Variants in XPOT observed in about 807,000 individuals in gnomAD.
XPOT encodes exportin-T.
In XPOT, 34 loss-of-function variants were observed where a neutral mutation model predicts 128.2. That is an observed-to-expected ratio of 0.27 (90% confidence interval 0.20 to 0.35). The LOEUF (loss-of-function observed/expected upper bound fraction) is 0.35, where lower values mean the gene tolerates loss of function less well. Among genes scored for constraint, XPOT ranks in the 10% least tolerant of loss-of-function variants. XPOT has a pLI of 1.00. For synonymous variants in XPOT, 348 were observed against 394.3 expected (o/e 0.88, Z 1.39); for missense variants, 838 against 1,125.3 (o/e 0.74, Z 3.65).
chr12:64,421,127 T>G (rs1039434830), intron 8 of XPOT, 108 bp from the exon 9 acceptor site: 3 of 861,612 alleles, frequency 3.5e-6, no homozygotes, highest in East Asian at 4.8e-5. Flanking sequence ...TATGACGTCA[T>G]TTTAAAATTG....
chr12:64,443,650 C>T (rs1357823659), intron 23 of XPOT, among the ~76,000 whole-genome samples: 1 of 151,826 alleles, frequency 6.6e-6, no homozygotes, highest in Non-Finnish European at 1.5e-5. Flanking sequence ...AGATGGGGTT[C>T]CACCATGTTG....
Position 64,425,020 on chromosome 12 carries a change from CATATT to C in XPOT, c.1308-14_1308-10del, listed in dbSNP as rs766537374. On this transcript the variant is annotated splice_polypyrimidine_tract_variant and intron_variant, in intron 12 of 24. Transcript: ENST00000332707. Reference sequence around the variant, plus strand: ...AAAATTTATCTTTAAATCTCACTGACATATTATACCTTGGTAGGAATTGGCAGACT... The same window carrying C: ...AAAATTTATCTTTAAATCTCACTGACATACCTTGGTAGGAATTGGCAGACT... 3 of 1,611,702 alleles carry C rather than the reference CATATT, an allele frequency of 1.9e-6. No homozygotes were observed. Among genetic ancestry groups the C allele is most frequent in the African/African-American group, 1.3e-5 (1 of 74,850 alleles).
intron 18 of XPOT, 133 bp from the exon 19 acceptor site, chr12:64,433,281 A>G (rs1478204169): frequency 1.2e-6 from 1 of 851,770 alleles, no homozygotes; most frequent in Non-Finnish European, 1.7e-6. Context: ...TTATCTTAAA[A>G]TTGATATTTG....
chr12:64,419,231 G>A, intron 6 of XPOT, 137 bp downstream of exon 6: 1 of 641,724 alleles, frequency 1.6e-6, no homozygotes, highest in South Asian at 3.1e-5. Context: ...TTTACCTGAT[G>A]TTTTGGATTT....
At chr12:64,425,702 C>T in intron 14 of XPOT, 113 bp from the exon 15 acceptor site, 1 of 1,105,590 alleles carries the variant, frequency 9.0e-7, no homozygotes, top group South Asian at 1.3e-5. Flanking sequence ...ATTCCTAGTC[C>T]CTGCCTTTTA....
intron 3 of XPOT, among the ~76,000 whole-genome samples, chr12:64,415,819 C>T (rs1203548656): frequency 3.3e-5 from 5 of 152,148 alleles, no homozygotes; most frequent in Non-Finnish European, 7.3e-5. Flanking sequence ...AACCCATCCT[C>T]TACAATTTCT....
intron 24 of XPOT, 122 bp from the exon 25 acceptor site, chr12:64,447,983 C>T (rs1160905590): frequency 1.5e-5 from 13 of 866,876 alleles, no homozygotes; most frequent in Non-Finnish European, 2.1e-5. Flanking sequence ...ATATATAAGG[C>T]ATGCGAAATG....
In XPOT at chr12:64,431,530, T is replaced by G. The variant is rs1384361613; in HGVS notation, c.1977-8T>G. 1.2e-6 allele frequency: 2 copies of G among 1,609,114 alleles called. No homozygotes were observed. Among genetic ancestry groups the G allele is most frequent in the Admixed American group, 1.7e-5 (1 of 59,810 alleles). Reference sequence around the variant, plus strand: ...TTGCATCTGATTGCCTGATTTTTGCTTATATAGTCGAACCAGTAAAGCTTT... The same window carrying G: ...TTGCATCTGATTGCCTGATTTTTGCGTATATAGTCGAACCAGTAAAGCTTT... On this transcript the variant is annotated splice_polypyrimidine_tract_variant and splice_region_variant and intron_variant, in intron 17 of 24. Coordinates refer to ENST00000332707, the MANE Select transcript of XPOT (RefSeq NM_007235.6).
At chr12:64,442,213 C>G (rs1046566335) in intron 23 of XPOT, among the ~76,000 whole-genome samples, 2 of 152,060 alleles carry the variant, frequency 1.3e-5, no homozygotes, top group Non-Finnish European at 2.9e-5. Flanking sequence ...CTCCACCTCC[C>G]GGGTTCAAGC....
chr12:64,424,719 C>T lies in XPOT; in HGVS notation c.1303C>T (p.Leu435=). ...ASVRRVFSST[L]QNWQTTRFME... Reference sequence around the variant, plus strand: ...TGTTCGCAGAGTTTTTAGTTCTACACTGCAGTAAGTTTGTCATTACTTTTG... The same window carrying T: ...TGTTCGCAGAGTTTTTAGTTCTACATTGCAGTAAGTTTGTCATTACTTTTG... The change falls in exon 12 of 25, where the codon CTG becomes TTG. Residue 435 remains leucine, a synonymous_variant. Transcript: ENST00000332707. The T allele has an allele frequency of 3.1e-6, 5 of 1,613,586 alleles. No individual in the cohort carries two copies. The highest frequency in any genetic ancestry group is 3.4e-6 in the Non-Finnish European group (4 of 1,179,920).
intron 23 of XPOT, among the ~76,000 whole-genome samples, chr12:64,444,179 CTGTT>C (rs2040349246): frequency 6.6e-6 from 1 of 152,120 alleles, no homozygotes; most frequent in Non-Finnish European, 1.5e-5. Context: ...TGGTCTAGCT[CTGTT>C]TGGTTATCCC....
At chr12:64,443,455 G>A (rs2040343420) in intron 23 of XPOT, 1 of 151,918 alleles carries the variant, frequency 6.6e-6, no homozygotes, top group African/African-American at 2.4e-5. Flanking sequence ...GTGTTTTTTT[G>A]TTTTTTATTT....
rs771307893 is a variant in XPOT at position 64,420,170 on chromosome 12, C to T, written c.590C>T (p.Thr197Ile). The T allele has an allele frequency of 6.2e-7, 1 of 1,613,064 alleles. No individual in the cohort carries two copies. The highest frequency in any genetic ancestry group is 8.5e-7 in the Non-Finnish European group (1 of 1,179,572). ...CAAATATTACAAAATTATCAGTTTA[C>T]TAATTCTGAAGTGACGTGTCAGTGC... is the stretch of plus-strand genomic sequence containing the variant. ...WYQILQNYQF[T>I]NSEVTCQCLE... Residue 197 changes from threonine to isoleucine, a missense_variant, in exon 7 of 25, where the codon ACT (threonine) becomes ATT (isoleucine). Transcript: ENST00000332707.
At position 64,419,964 on chromosome 12, in the gene XPOT, G is replaced by A. The variant is rs2040122901; in HGVS notation, c.490-106G>A. On this transcript the variant is annotated intron_variant, in intron 6 of 24. Transcript: ENST00000332707. Reference sequence around the variant, plus strand: ...AGCTGGTAAATAGGAAATACTGGTAGGGAATGTGTTAACAAGTCTGAAAGT... The same window carrying A: ...AGCTGGTAAATAGGAAATACTGGTAAGGAATGTGTTAACAAGTCTGAAAGT... 3.2e-6 allele frequency: 3 copies of A among 930,894 alleles called. No homozygotes were observed. In the African/African-American group the frequency reaches 5.1e-5, roughly 16 times the overall value. 57.7% of individuals were successfully genotyped at this position (930,894 alleles called of 1,614,324 possible).
intron 23 of XPOT, among the ~76,000 whole-genome samples, chr12:64,440,606 A>G (rs1418303274): frequency 1.3e-5 from 2 of 152,166 alleles, no homozygotes; most frequent in Non-Finnish European, 2.9e-5. Context: ...CAGTTTTTCC[A>G]CAATGTCACC....
chr12:64,431,945 C>A, intron 18 of XPOT, 122 bp downstream of exon 18: 1 of 951,008 alleles, frequency 1.1e-6, no homozygotes, highest in Non-Finnish European at 1.6e-6. Context: ...ACTTAAGAGC[C>A]TCATGGATCA....
intron 3 of XPOT, 67 bp downstream of exon 3, chr12:64,415,056 C>T (rs905987853): frequency 2.0e-6 from 2 of 980,142 alleles, no homozygotes; most frequent in Non-Finnish European, 3.2e-6. Flanking sequence ...GTGAAATTTA[C>T]CTGTATTTGG....
chr12:64,409,506 C>A (rs187672942), intron 1 of XPOT, among the ~76,000 whole-genome samples: 9 of 152,156 alleles, frequency 5.9e-5, no homozygotes, highest in Non-Finnish European at 1.2e-4. Context: ...GAGGCCAAGG[C>A]GGGCGGATCA....
chr12:64,423,343 T>C, intron 11 of XPOT, 99 bp downstream of exon 11: 1 of 793,392 alleles, frequency 1.3e-6, no homozygotes, highest in Non-Finnish European at 1.9e-6. Context: ...CTTTAAAACA[T>C]GAAGTTCTTG....
Sources: gnomAD v4.1 joint callset for allele counts (sites outside exome capture counted in the v4.1 genomes callset) on GRCh38, gnomAD v4.1.1 for gene constraint, MANE v1.5 for transcripts, NCBI Gene and HGNC (gene_info 2026-07-23, HGNC 2026-07-21) for gene names.